CHODL: variants seen among roughly 807,000 people sequenced by gnomAD.
CHODL encodes transmembrane protein MT75.
A neutral mutation model predicts 34.5 loss-of-function variants in CHODL; 29 were observed. The ratio of observed to expected loss-of-function variants is 0.84; its 90% confidence interval spans 0.63 to 1.15. The LOEUF is 1.15. Ranked by LOEUF, CHODL falls within the 50% of genes most tolerant of loss-of-function variation. CHODL has a pLI of 0.00. For synonymous variants in CHODL, 125 were observed against 116.1 expected (o/e 1.08, Z -0.49); for missense variants, 332 against 332.5 (o/e 1.00, Z 0.01).
At chr21:18,145,713 T>C (rs2072876686) in intron 2 of CHODL, among the ~76,000 whole-genome samples, 1 of 152,164 alleles carries the variant, frequency 6.6e-6, no homozygotes, top group African/African-American at 2.4e-5. Flanking sequence ...AGCTTCCAGT[T>C]TGAAGCCTGA....
intron 2 of CHODL, among the ~76,000 whole-genome samples, chr21:18,132,588 G>C (rs1486505917): frequency 6.6e-6 from 1 of 152,070 alleles, no homozygotes; most frequent in Non-Finnish European, 1.5e-5. Context: ...TCCTCCCTTA[G>C]CTAGAAAGAT....
chr21:18,195,217 G>A (rs1187085193), intron 2 of CHODL, among the ~76,000 whole-genome samples: 1 of 151,868 alleles, frequency 6.6e-6, no homozygotes, highest in Non-Finnish European at 1.5e-5. Flanking sequence ...ACCACACCTG[G>A]CTAATTTTTT....
intron 1 of CHODL, among the ~76,000 whole-genome samples, chr21:17,996,795 GACTATTTT>G (rs1470442247): frequency 6.6e-6 from 1 of 152,170 alleles, no homozygotes; most frequent in African/African-American, 2.4e-5. Context: ...GAGGCTGGTT[GACTATTTT>G]TGCAGAATTT....
chr21:17,964,421 T>C lies in CHODL; in HGVS notation c.-145+47021T>C, dbSNP rs2063556008. Among the ~76,000 whole-genome samples the C allele has an allele frequency of 2.6e-5, 4 of 152,362 alleles. No homozygotes were observed. In the South Asian group the frequency reaches 8.3e-4, roughly 32 times the overall value. ...GCCAAAACGAAGGAGAATTCATTTA[T>C]TTAAGTTTAAATAATAGAGAAGCCA... On this transcript the variant is annotated intron_variant, in intron 1 of 6. Transcript: ENST00000400127.
chr21:18,094,430 T>C (rs1259454133), intron 2 of CHODL, among the ~76,000 whole-genome samples: 1 of 152,182 alleles, frequency 6.6e-6, no homozygotes, highest in Non-Finnish European at 1.5e-5. Context: ...CCTCAGCACG[T>C]AGATTATTCT....
At chr21:17,941,309 T>TC (rs1491249833) in intron 1 of CHODL, among the ~76,000 whole-genome samples, 1 of 111,474 alleles carries the variant, frequency 9.0e-6, no homozygotes, top group Non-Finnish European at 1.8e-5. Context: ...TTTTTTTTTT[T>TC]CATCCCTGGG....
At chr21:18,036,204 T>C (rs2064308453) in intron 2 of CHODL, among the ~76,000 whole-genome samples, 1 of 152,034 alleles carries the variant, frequency 6.6e-6, no homozygotes, top group Non-Finnish European at 1.5e-5. Flanking sequence ...CTCTACCTAA[T>C]GACCTGTGAA....
intron 2 of CHODL, among the ~76,000 whole-genome samples, chr21:18,066,859 A>C (rs897552380): frequency 6.6e-5 from 10 of 152,194 alleles, no homozygotes; most frequent in Non-Finnish European, 1.3e-4. Flanking sequence ...GAATGTGCAC[A>C]GAGAAATGAT....
chr21:18,189,039 C>T (rs1601124001), intron 2 of CHODL, among the ~76,000 whole-genome samples: 1 of 152,224 alleles, frequency 6.6e-6, no homozygotes, highest in South Asian at 2.1e-4. Flanking sequence ...ATGGTTTTTG[C>T]AAAGTCATAT....
intron 2 of CHODL, among the ~76,000 whole-genome samples, chr21:18,210,841 A>G (rs1320537662): frequency 6.6e-6 from 1 of 152,170 alleles, no homozygotes; most frequent in East Asian, 1.9e-4. Flanking sequence ...GAGTAACTCT[A>G]TCAAAACTCA....
chr21:18,012,130 T>C (rs1167705337), intron 1 of CHODL, among the ~76,000 whole-genome samples: 3 of 152,344 alleles, frequency 2.0e-5, no homozygotes, highest in South Asian at 2.1e-4. Flanking sequence ...CTGACATGAA[T>C]GAGGATTGGT....
chr21:17,932,987 G>A (rs2063287492), intron 1 of CHODL, among the ~76,000 whole-genome samples: 1 of 152,132 alleles, frequency 6.6e-6, no homozygotes, highest in African/African-American at 2.4e-5. Flanking sequence ...CGTGAGGGAA[G>A]GTCTCTGCAT....
At chr21:18,168,525 T>A (rs2073185245) in intron 2 of CHODL, among the ~76,000 whole-genome samples, 1 of 152,248 alleles carries the variant, frequency 6.6e-6, no homozygotes, top group African/African-American at 2.4e-5. Context: ...TAATGATTAA[T>A]GATATTAGAC....
intron 1 of CHODL, among the ~76,000 whole-genome samples, chr21:18,021,254 G>A (rs1380975012): frequency 6.6e-6 from 1 of 152,186 alleles, no homozygotes; most frequent in Non-Finnish European, 1.5e-5. Flanking sequence ...AGACCAAGAA[G>A]CAGCAGCCAG....
Position 17,928,396 on chromosome 21 carries a change from AGATGCTGGG to A in CHODL, c.-145+10998_-145+11006del, listed in dbSNP as rs573059284. Among the ~76,000 whole-genome samples the A allele has an allele frequency of 2.0e-3, 297 of 152,272 alleles. 1 individual carries two copies. The highest frequency in any genetic ancestry group is 3.4e-3 in the Middle Eastern group (1 of 294). ...AAAAGGGAAAGTCAATAAGAGGTAG[AGATGCTGGG>A]GGAAGGCTACCCAAAGAAAAAGGAC... On this transcript the variant is annotated intron_variant, in intron 1 of 6. Coordinates refer to the CHODL transcript ENST00000400127.
chr21:17,983,578 C>T (rs1169857743), intron 1 of CHODL, among the ~76,000 whole-genome samples: 1 of 152,088 alleles, frequency 6.6e-6, no homozygotes, highest in Non-Finnish European at 1.5e-5. Context: ...ATCAGGTAGT[C>T]AAAACATAGT....
intron 3 of CHODL, among the ~76,000 whole-genome samples, chr21:18,257,732 C>T (rs999830164): frequency 5.3e-5 from 8 of 152,158 alleles, no homozygotes; most frequent in African/African-American, 1.9e-4. Flanking sequence ...AAATCTCCCA[C>T]TACTTGTCAT....
rs552936502 is a variant in CHODL, at chr21:18,237,340, G to A, written c.-44-19169G>A. On this transcript the variant is annotated intron_variant, in intron 2 of 6. Coordinates refer to the CHODL transcript ENST00000400127. The stretch of plus-strand genomic sequence containing the variant: ...AAGAAATTACGTATAGCGAAAGTAA[G>A]GGCTACTCAGTGACTTCTGCAGAAT... Among the ~76,000 whole-genome samples the A allele has an allele frequency of 5.9e-5, 9 of 152,172 alleles. No individual in the cohort carries two copies. The South Asian group carries it at 1.9e-3, about 32-fold the overall frequency.
chr21:17,997,661 A>T (rs548075015), intron 1 of CHODL, among the ~76,000 whole-genome samples: 2 of 152,324 alleles, frequency 1.3e-5, no homozygotes, highest in Admixed American at 1.3e-4. Context: ...GGCACTTCTT[A>T]CATGGTGGTG....
Sources: allele counts gnomAD v4.1 joint callset (sites outside exome capture counted in the v4.1 genomes callset), GRCh38; gene constraint gnomAD v4.1.1; transcripts MANE v1.5; gene names NCBI Gene and HGNC (gene_info 2026-07-23, HGNC 2026-07-21).